FUT8: variants seen among roughly 807,000 people sequenced by gnomAD.
FUT8 encodes alpha-(1,6)-fucosyltransferase.
A neutral mutation model predicts 71.3 loss-of-function variants in FUT8; 29 were observed. That is an observed-to-expected ratio of 0.41 (90% CI 0.30 to 0.55). FUT8 has a LOEUF of 0.55. Ranked by LOEUF, FUT8 falls within the 20% of genes least tolerant of loss-of-function variation. The pLI, the probability that FUT8 is intolerant of heterozygous loss-of-function variation, is 0.34. For missense variants in FUT8, 544 were observed against 702.1 expected, an observed-to-expected ratio of 0.77 and a Z score of 2.55; for synonymous variants, 254 against 239.3, an observed-to-expected ratio of 1.06 and a Z score of -0.57.
chr14:65,414,099 C>T (rs777734255), intron 1 of FUT8, among the ~76,000 whole-genome samples: 4 of 152,046 alleles, frequency 2.6e-5, no homozygotes, highest in Non-Finnish European at 4.4e-5. Context: ...TTATTTAAAC[C>T]CACTCAGGAA....
At chr14:65,637,436 C>T (rs926805934) in intron 6 of FUT8, among the ~76,000 whole-genome samples, 5 of 152,074 alleles carry the variant, frequency 3.3e-5, no homozygotes, top group Admixed American at 2.0e-4. Flanking sequence ...ATAGCCTCTG[C>T]AGAAGGATAT....
rs1594814610 is a variant in FUT8 at position 65,610,832 on chromosome 14, C to G, written c.204-5146C>G. ...AATTACATTGATTTATTTTTTAATGCTAAGCCAATCTTGGATTTCTAGGAT... is the reference window on the plus strand; with the variant it reads ...AATTACATTGATTTATTTTTTAATGGTAAGCCAATCTTGGATTTCTAGGAT... On this transcript the variant is annotated intron_variant, in intron 3 of 10. Transcript: ENST00000673929. Among the ~76,000 whole-genome samples, 3 of 151,864 alleles carry G rather than the reference C, an allele frequency of 2.0e-5. No individual in the cohort carries two copies. The South Asian group carries it at 6.3e-4, about 32-fold the overall frequency.
chr14:65,382,982 T>G, the FUT8 span, among the ~76,000 whole-genome samples: 1 of 152,156 alleles, frequency 6.6e-6, no homozygotes, highest in African/African-American at 2.4e-5. Context: ...GCTGGAGACC[T>G]GGAAGTCATC....
chr14:65,427,484 G>C (rs1231142135), intron 1 of FUT8, among the ~76,000 whole-genome samples: 1 of 152,166 alleles, frequency 6.6e-6, no homozygotes, highest in Non-Finnish European at 1.5e-5. Context: ...TAACAGGCGT[G>C]AGGTGATACA....
intron 2 of FUT8, among the ~76,000 whole-genome samples, chr14:65,505,764 G>C (rs963545118): frequency 2.0e-5 from 3 of 151,158 alleles, no homozygotes; most frequent in Non-Finnish European, 4.4e-5. Flanking sequence ...ACTTTTTTTT[G>C]CTATATTTTT....
At chr14:65,584,907 T>G (rs559432313) in intron 3 of FUT8, among the ~76,000 whole-genome samples, 56 of 152,170 alleles carry the variant, frequency 3.7e-4, no homozygotes, top group African/African-American at 1.1e-3. Flanking sequence ...ATCTAATTTA[T>G]ATTCTATATT....
At position 65,483,638 on chromosome 14, in the gene FUT8, T is replaced by C. The variant is rs138153407; in HGVS notation, c.-228+27920T>C. Among the ~76,000 whole-genome samples the C allele has an allele frequency of 8.3e-4, 126 of 152,342 alleles. No individual in the cohort carries two copies. The highest frequency in any genetic ancestry group is 2.8e-3 in the African/African-American group (117 of 41,586). On this transcript the variant is annotated intron_variant, in intron 2 of 10. Transcript: ENST00000673929. The surrounding 1 kb of genome is among the most constrained non-coding windows in gnomAD (Gnocchi z 4.4). ...CAGTATTTTATTGTTTTCAATGTAC[T>C]GATCTTACCCATATTTTATTAGGTT...
chr14:65,505,505 G>A (rs950688321), intron 2 of FUT8, among the ~76,000 whole-genome samples: 2 of 151,474 alleles, frequency 1.3e-5, no homozygotes, highest in Non-Finnish European at 2.9e-5. Context: ...GTAGAGACGG[G>A]GTTTCACCAT....
intron 10 of FUT8, among the ~76,000 whole-genome samples, chr14:65,736,483 G>A (rs1271404985): frequency 6.6e-6 from 1 of 151,552 alleles, no homozygotes; most frequent in African/African-American, 2.4e-5. Flanking sequence ...TTAACATTCA[G>A]CATGTACAAT....
In FUT8 at chr14:65,543,601, C is replaced by A. The variant is rs2149841; in HGVS notation, c.-227-17736C>A. ...TTGTAGGGTATTGTAGTCATTCTTT[C>A]GTTCTTTCTTGTTTTTAGGGTCCCA... On this transcript the variant is annotated intron_variant, in intron 2 of 10. Transcript: ENST00000673929. Among the ~76,000 whole-genome samples, 435 of 151,856 alleles carry A rather than the reference C, an allele frequency of 2.9e-3. 5 individuals are homozygous for A. Among genetic ancestry groups the A allele is most frequent in the African/African-American group, 9.5e-3 (395 of 41,410 alleles).
chr14:65,569,471 C>CT (rs1886364969), intron 3 of FUT8, among the ~76,000 whole-genome samples: 1 of 151,612 alleles, frequency 6.6e-6, no homozygotes, highest in African/African-American at 2.4e-5. Flanking sequence ...TTTCACCTGT[C>CT]TTCTGTTTTG....
At chr14:65,565,271 C>T (rs557584573) in intron 3 of FUT8, among the ~76,000 whole-genome samples, 1 of 152,054 alleles carries the variant, frequency 6.6e-6, no homozygotes, top group East Asian at 1.9e-4. Context: ...AGCTCCATAA[C>T]CCAAATACCT....
chr14:65,542,606 C>T (rs993487184), intron 2 of FUT8, among the ~76,000 whole-genome samples: 1 of 152,152 alleles, frequency 6.6e-6, no homozygotes, highest in African/African-American at 2.4e-5. Flanking sequence ...CTTTAAAGGG[C>T]TTTCATGTCT....
At chr14:65,686,753 A>G (rs1034792084) in intron 7 of FUT8, among the ~76,000 whole-genome samples, 2 of 152,230 alleles carry the variant, frequency 1.3e-5, no homozygotes, top group African/African-American at 4.8e-5. Context: ...GTATCTGTTT[A>G]CCATGAAAGA....
intron 3 of FUT8, among the ~76,000 whole-genome samples, chr14:65,582,719 G>A (rs984505136): frequency 6.6e-6 from 1 of 152,182 alleles, no homozygotes; most frequent in Non-Finnish European, 1.5e-5. Context: ...TCTTAAGTGA[G>A]TATTTTGATG....
At chr14:65,371,825 G>A in the FUT8 span, among the ~76,000 whole-genome samples, 317 of 152,296 alleles carry the variant, frequency 2.1e-3, 2 homozygotes, top group Middle Eastern at 0.048. Flanking sequence ...TTTAGAAGCC[G>A]AGATCTGGGT....
chr14:65,551,788 T>A (rs1336188369), intron 2 of FUT8, among the ~76,000 whole-genome samples: 1 of 152,170 alleles, frequency 6.6e-6, no homozygotes, highest in Non-Finnish European at 1.5e-5. Context: ...GGAGTTATGA[T>A]GATGGTAATG....
intron 2 of FUT8, among the ~76,000 whole-genome samples, chr14:65,553,320 T>G (rs1398846824): frequency 6.6e-6 from 1 of 152,154 alleles, no homozygotes; most frequent in Non-Finnish European, 1.5e-5. Context: ...AACTTGACTT[T>G]TGTGCACTTC....
intron 2 of FUT8, among the ~76,000 whole-genome samples, chr14:65,492,843 A>G (rs1335782475): frequency 6.6e-6 from 1 of 152,114 alleles, no homozygotes; most frequent in African/African-American, 2.4e-5. Context: ...AATCTGCTCT[A>G]AGTCCATGAG....
Sources: allele counts gnomAD v4.1 joint callset (sites outside exome capture counted in the v4.1 genomes callset), GRCh38; gene constraint gnomAD v4.1.1; non-coding constraint Gnocchi (gnomAD v3.1); transcripts MANE v1.5; gene names NCBI Gene and HGNC (gene_info 2026-07-23, HGNC 2026-07-21).